NCKAP1L: variants seen among roughly 807,000 people sequenced by gnomAD.
NCKAP1L encodes NCK associated protein 1 like.
NCKAP1L carries 53 observed loss-of-function variants against 139.2 expected under a neutral mutation model. The ratio of observed to expected loss-of-function variants is 0.38; its 90% confidence interval spans 0.31 to 0.48. The LOEUF is 0.48. Ranked by LOEUF, NCKAP1L falls within the 20% of genes least tolerant of loss-of-function variation. The pLI is 0.98. For missense variants in NCKAP1L, 1,151 were observed against 1,381.9 expected, an observed-to-expected ratio of 0.83 and a Z score of 2.65; for synonymous variants, 468 against 499.7, an observed-to-expected ratio of 0.94 and a Z score of 0.85.
rs1290315818 is a variant in NCKAP1L at position 54,544,510 on chromosome 12, A to G, written c.*1825A>G. The G allele has an allele frequency of 6.6e-6, 1 of 152,206 alleles. No homozygotes were observed. 9.4% of individuals were successfully genotyped at this position (152,206 alleles called of 1,614,324 possible). On this transcript the variant is annotated 3_prime_UTR_variant, in exon 31 of 31. Coordinates refer to ENST00000293373, the MANE Select transcript of NCKAP1L (RefSeq NM_005337.5). The stretch of plus-strand genomic sequence containing the variant: ...ATTTTCCTTTACACAGTTTCCCTGA[A>G]TGCTAACATCTAGCAAAACTGTAGT...
intron 30 of NCKAP1L, among the ~76,000 whole-genome samples, 192 bp from the exon 31 acceptor site, chr12:54,542,383 T>C (rs917103628): frequency 2.0e-5 from 3 of 152,098 alleles, no homozygotes; most frequent in Non-Finnish European, 4.4e-5. Context: ...GGGTCAATGA[T>C]AATGGAGCTG....
intron 22 of NCKAP1L, 109 bp downstream of exon 22, chr12:54,528,486 A>T: frequency 2.9e-6 from 4 of 1,388,238 alleles, no homozygotes; most frequent in Non-Finnish European, 3.9e-6. Context: ...TAATTTTTGC[A>T]ATTACTTTTC....
rs1246016664 is a variant in NCKAP1L, at chr12:54,546,661, C to T, written c.*3976C>T. On this transcript the variant is annotated 3_prime_UTR_variant, in exon 31 of 31. Transcript: ENST00000293373. ...TCCAGTCCTCCTCCCCACAGGGCCT[C>T]CTGCTTCTCCTAAGTACCTGTCATC... is the stretch of plus-strand genomic sequence containing the variant. 1 of 152,258 alleles carries T rather than the reference C, an allele frequency of 6.6e-6. No individual in the cohort carries two copies. Among genetic ancestry groups the T allele is most frequent in the Admixed American group, 6.5e-5 (1 of 15,290 alleles). 9.4% of individuals were successfully genotyped at this position (152,258 alleles called of 1,614,324 possible). A position where few individuals can be genotyped will look rare whatever the true frequency, so the allele number is the denominator to read the frequency against.
rs1270438719 is a variant in NCKAP1L, at chr12:54,526,661, A to C, written c.2290A>C (p.Arg764=). ...LAQFLGADAS[R]VIRNALLQQT... is the part of the protein sequence containing the mutation. Reference sequence around the variant, plus strand: ...CCAGTTTTTGGGTGCAGATGCTTCCAGAGTCATCCGCAACGCCCTCCTGCA... The same window carrying C: ...CCAGTTTTTGGGTGCAGATGCTTCCCGAGTCATCCGCAACGCCCTCCTGCA... The change falls in exon 21 of 31, where the codon AGA becomes CGA. Residue 764 remains arginine, a synonymous_variant. Transcript: ENST00000293373. 1.2e-6 allele frequency: 2 copies of C among 1,614,180 alleles called. No homozygotes were observed. The highest frequency in any genetic ancestry group is 2.2e-5 in the South Asian group (2 of 91,080).
intron 26 of NCKAP1L, among the ~76,000 whole-genome samples, chr12:54,532,810 T>TC (rs1044456825): frequency 6.6e-6 from 1 of 152,156 alleles, no homozygotes; most frequent in African/African-American, 2.4e-5. Context: ...AGCATCCATT[T>TC]CCCACCCATC....
chr12:54,544,403 A>C lies in NCKAP1L; in HGVS notation c.*1718A>C, dbSNP rs1957183366. The C allele has an allele frequency of 6.6e-6, 1 of 152,236 alleles. No individual in the cohort carries two copies. Among genetic ancestry groups the C allele is most frequent in the Non-Finnish European group, 1.5e-5 (1 of 68,042 alleles). 9.4% of individuals were successfully genotyped at this position (152,236 alleles called of 1,614,324 possible). ...TGCTGCAGGGGGATGGAGGGTAGAC[A>C]GAATGCCTTTTTTTAAAACTGAAAA... On this transcript the variant is annotated 3_prime_UTR_variant, in exon 31 of 31. Coordinates refer to ENST00000293373, the MANE Select transcript of NCKAP1L (RefSeq NM_005337.5).
At chr12:54,540,267 A>C (rs1251883489) in intron 30 of NCKAP1L, among the ~76,000 whole-genome samples, 1 of 152,198 alleles carries the variant, frequency 6.6e-6, no homozygotes, top group Non-Finnish European at 1.5e-5. Flanking sequence ...TCCTTCTTGA[A>C]ATACACAGGC....
chr12:54,501,510 C>CT (rs58845746), intron 3 of NCKAP1L, among the ~76,000 whole-genome samples: 118,282 of 148,538 alleles, frequency 0.8, 47,599 homozygotes, highest in East Asian at 0.99. Context: ...CTATTATTAA[C>CT]TTTTTTTTTT....
chr12:54,500,509 T>C lies in NCKAP1L; in HGVS notation c.214-24T>C, dbSNP rs1490719288. On this transcript the variant is annotated intron_variant, in intron 2 of 30. Coordinates refer to ENST00000293373, the MANE Select transcript of NCKAP1L (RefSeq NM_005337.5). ...ATTGTCTTATTTTGCACTTTTTTAT[T>C]GTTTTGTTTTGTGTTTCTCTCAGCA... 5 of 1,523,386 alleles carry C rather than the reference T, an allele frequency of 3.3e-6. No homozygotes were observed. In the African/African-American group the frequency reaches 4.1e-5, roughly 13 times the overall value. 94.4% of individuals were successfully genotyped at this position (1,523,386 alleles called of 1,614,324 possible). A position where few individuals can be genotyped will look rare whatever the true frequency, so the allele number is the denominator to read the frequency against.
chr12:54,527,490 C>T (rs986454133), intron 21 of NCKAP1L, among the ~76,000 whole-genome samples: 49 of 152,294 alleles, frequency 3.2e-4, no homozygotes, highest in Admixed American at 1.4e-3. Flanking sequence ...GAACAGCCAC[C>T]GCTTAGCTCC....
intron 3 of NCKAP1L, among the ~76,000 whole-genome samples, chr12:54,505,113 C>T (rs1289936569): frequency 2.0e-5 from 3 of 152,158 alleles, no homozygotes; most frequent in African/African-American, 7.2e-5. Flanking sequence ...TGATCTTAGG[C>T]CAGTTTCTTT....
chr12:54,544,669 A>T lies in NCKAP1L; in HGVS notation c.*1984A>T, dbSNP rs1035932637. On this transcript the variant is annotated 3_prime_UTR_variant, in exon 31 of 31. Transcript: ENST00000293373. ...GTGTTATCTATTTCTATACAGCTTT[A>T]TCATGTGTAGGTTTGTGTATCTGCC... is the stretch of plus-strand genomic sequence containing the variant. The T allele has an allele frequency of 2.0e-5, 3 of 152,058 alleles. No homozygotes were observed. Among genetic ancestry groups the T allele is most frequent in the African/African-American group, 7.2e-5 (3 of 41,386 alleles). The allele number at this position is 152,058 out of a possible 1,614,324, so 9.4% of individuals were successfully genotyped here. A position where few individuals can be genotyped will look rare whatever the true frequency, so the allele number is the denominator to read the frequency against.
rs1957006936 is a variant in NCKAP1L at position 54,523,902 on chromosome 12, A to G, written c.2102A>G (p.His701Arg). The change falls in exon 20 of 31, where the codon CAT (histidine) becomes CGT (arginine). Residue 701 changes from histidine (H) to arginine (R), a missense_variant. Transcript: ENST00000293373. ...GTATACAGTTTCTCCGTGTTTGAAC[A>G]TACTATCTTCCCTTCTGAGTACCTC... ...NHVYSFSVFE[H>R]TIFPSEYLSS... The G allele has an allele frequency of 6.2e-7, 1 of 1,614,180 alleles. No individual in the cohort carries two copies. The highest frequency in any genetic ancestry group is 1.3e-5 in the African/African-American group (1 of 75,060).
Position 54,506,796 on chromosome 12 carries a change from A to AAAAAAAAAAAAT in NCKAP1L, c.307-1056_307-1055insAAAAAAAAAATA. On this transcript the variant is annotated intron_variant, in intron 3 of 30. Coordinates refer to ENST00000293373, the MANE Select transcript of NCKAP1L (RefSeq NM_005337.5). ...TTTTGGCAACATATTAAAAAAAAAA[A>AAAAAAAAAAAAT]ATATATATATATATATATATATATA... is the stretch of plus-strand genomic sequence containing the variant. 2.0e-4 allele frequency among the ~76,000 whole-genome samples: 10 copies of AAAAAAAAAAAAT among 50,608 alleles called. No homozygotes were observed. In the South Asian group the frequency reaches 3.5e-3, roughly 18 times the overall value. The allele number at this position is 50,608 out of a possible 152,430, so 33.2% of individuals were successfully genotyped here.
chr12:54,516,974 G>A lies in NCKAP1L; in HGVS notation c.1077G>A (p.Pro359=), dbSNP rs140540603. 2.6e-4 allele frequency: 413 copies of A among 1,611,900 alleles called. No individual in the cohort carries two copies. The Middle Eastern group carries it at 4.3e-3, about 17-fold the overall frequency. The change falls in exon 11 of 31, where the codon CCG becomes CCA. Residue 359 remains proline (P), a synonymous_variant. Transcript: ENST00000293373. ...TGGAGACTGTGTTGGCTGATGAACC[G>A]GGACTACTGGGTCCTAAGGCAAGAG... The part of the protein sequence containing the change: ...KELETVLADE[P]GLLGPKALFA...
chr12:54,516,497 G>C (rs1412266571), intron 10 of NCKAP1L, among the ~76,000 whole-genome samples: 1 of 151,502 alleles, frequency 6.6e-6, no homozygotes, highest in South Asian at 2.1e-4. Flanking sequence ...CCCACGCTGG[G>C]TGCAATGGCA....
chr12:54,498,847 G>A (rs1463417116), intron 1 of NCKAP1L: 11 of 982,954 alleles, frequency 1.1e-5, no homozygotes, highest in Admixed American at 6.2e-5. Flanking sequence ...TTGTTATTTC[G>A]CTCTTAGATA....
At chr12:54,509,821 T>C (rs773679187) in intron 6 of NCKAP1L, 27 bp from the exon 7 acceptor site, 13 of 1,614,174 alleles carry the variant, frequency 8.1e-6, no homozygotes, top group Middle Eastern at 1.6e-4. Context: ...TGATTGCCGC[T>C]AAGGTTTCAT....
Position 54,528,353 on chromosome 12 carries a change from G to A in NCKAP1L, c.2482G>A (p.Ala828Thr), listed in dbSNP as rs1180321640. The A allele has an allele frequency of 1.2e-6, 2 of 1,613,880 alleles. No individual in the cohort carries two copies. Among genetic ancestry groups the A allele is most frequent in the Non-Finnish European group, 1.7e-6 (2 of 1,179,974 alleles). Residue 828 changes from alanine to threonine, a missense_variant, in exon 22 of 31, where the codon GCA becomes ACA. Ala to Thr is a moderately conservative substitution (Grantham distance 58, BLOSUM62 0). Transcript: ENST00000293373. ...CAGAGAAGGGGAGCAGAACTTCAGT[G>A]CAGAGGAGTTCTCTGACATCTCTGG... is the stretch of plus-strand genomic sequence containing the variant. ...LPREGEQNFSAEEFSDISEMR... is the reference protein window; with the variant it reads ...LPREGEQNFSTEEFSDISEMR...
Sources: gnomAD v4.1 joint callset for allele counts (sites outside exome capture counted in the v4.1 genomes callset) on GRCh38, gnomAD v4.1.1 for gene constraint, MANE v1.5 for transcripts, NCBI Gene and HGNC (gene_info 2026-07-23, HGNC 2026-07-21) for gene names.